The following PID1 variants were observed in gnomAD, a reference collection of about 807,000 sequenced individuals.
The protein encoded by PID1 is PTB-containing, cubilin and LRP1-interacting protein.
PID1 carries 10 observed loss-of-function variants against 19.1 expected under a neutral mutation model. The ratio of observed to expected loss-of-function variants is 0.52; its 90% CI spans 0.32 to 0.89. The LOEUF is 0.89. Among genes scored for constraint, PID1 ranks in the 40% least tolerant of loss-of-function variants. The pLI, the probability that PID1 is intolerant of heterozygous loss-of-function variation, is 0.03. For synonymous variants in PID1, 130 were observed against 116.0 expected, an observed-to-expected ratio of 1.12 and a Z score of -0.78; for missense variants, 248 against 285.3, an observed-to-expected ratio of 0.87 and a Z score of 0.94.
intron 1 of PID1, among the ~76,000 whole-genome samples, chr2:229,222,890 CACACACACACAT>C (rs1191510036): frequency 3.1e-5 from 4 of 128,146 alleles, no homozygotes; most frequent in Admixed American, 7.4e-5. Flanking sequence ...CACACACACA[CACACACACACAT>C]GTACCCTATT....
chr2:229,270,918 G>A (rs2106299298), intron 1 of PID1, 96 bp downstream of exon 1: 1 of 1,162,664 alleles, frequency 8.6e-7, no homozygotes, highest in Non-Finnish European at 1.2e-6. Flanking sequence ...GATGGTTTTG[G>A]GCAAATCCCC....
At chr2:229,054,508 TTGGTGG>T (rs1439278530) in intron 2 of PID1, among the ~76,000 whole-genome samples, 1 of 151,994 alleles carries the variant, frequency 6.6e-6, no homozygotes, top group Non-Finnish European at 1.5e-5. Flanking sequence ...CAAGTTTATT[TTGGTGG>T]TGGTGGTGGT....
chr2:229,260,889 A>G (rs371236692), intron 1 of PID1, among the ~76,000 whole-genome samples: 3 of 151,232 alleles, frequency 2.0e-5, no homozygotes, highest in Non-Finnish European at 4.4e-5. Context: ...TAGATACCCA[A>G]AAGAAAATTC....
intron 1 of PID1, among the ~76,000 whole-genome samples, chr2:229,218,847 T>C (rs756335390): frequency 3.3e-5 from 5 of 152,144 alleles, no homozygotes; most frequent in Non-Finnish European, 7.3e-5. Context: ...GCCCAATTTA[T>C]TGATTTACTC....
chr2:229,159,229 C>T (rs1374715114), intron 1 of PID1, among the ~76,000 whole-genome samples: 1 of 152,094 alleles, frequency 6.6e-6, no homozygotes, highest in African/African-American at 2.4e-5. Context: ...GAATTTGTGG[C>T]AAGACAAAGT....
intron 2 of PID1, among the ~76,000 whole-genome samples, chr2:229,086,033 G>C (rs145202221): frequency 6.3e-4 from 95 of 151,908 alleles, no homozygotes; most frequent in African/African-American, 2.2e-3. Flanking sequence ...CCTATTTTGC[G>C]CTGCCTAATT....
chr2:229,093,761 A>T (rs370152220), intron 2 of PID1, among the ~76,000 whole-genome samples: 4 of 87,526 alleles, frequency 4.6e-5, no homozygotes, highest in African/African-American at 1.1e-4. Flanking sequence ...GCTTTATGAT[A>T]AAAAAAAGAA....
intron 1 of PID1, 81 bp from the exon 2 acceptor site, chr2:229,156,045 C>A (rs2106195793): frequency 7.6e-7 from 1 of 1,323,744 alleles, no homozygotes; most frequent in Non-Finnish European, 1.1e-6. Context: ...AACCCAGTAG[C>A]AACTTGTTTT....
chr2:229,030,513 A>C (rs1484295717), intron 2 of PID1, among the ~76,000 whole-genome samples: 10 of 152,218 alleles, frequency 6.6e-5, no homozygotes, highest in Admixed American at 5.9e-4. Flanking sequence ...ATTTATTTTT[A>C]CTATTCACTG....
chr2:229,181,568 T>A (rs1006081621), intron 1 of PID1, among the ~76,000 whole-genome samples: 2 of 152,208 alleles, frequency 1.3e-5, no homozygotes, highest in African/African-American at 4.8e-5. Context: ...GTCAGGAAAT[T>A]ACACTGATCA....
intron 2 of PID1, among the ~76,000 whole-genome samples, chr2:229,087,694 A>G (rs1162417655): frequency 2.0e-5 from 3 of 152,170 alleles, no homozygotes; most frequent in Non-Finnish European, 4.4e-5. Flanking sequence ...TACAACACAC[A>G]CAAGCTTTAA....
chr2:229,163,294 A>G (rs1690526238), intron 1 of PID1, among the ~76,000 whole-genome samples: 1 of 152,134 alleles, frequency 6.6e-6, no homozygotes, highest in Non-Finnish European at 1.5e-5. Flanking sequence ...AACCTACACC[A>G]ATTTGGCATT....
Position 229,176,171 on chromosome 2 carries a change from AAC to A in PID1, c.31-20209_31-20208del, listed in dbSNP as rs1438564878. 9.9e-3 allele frequency among the ~76,000 whole-genome samples: 1,494 copies of A among 150,470 alleles called. 22 individuals are homozygous for A. Among genetic ancestry groups the A allele is most frequent in the East Asian group, 0.076 (377 of 4,972 alleles). On this transcript the variant is annotated intron_variant, in intron 1 of 2. Coordinates refer to ENST00000392055, the MANE Select transcript of PID1 (RefSeq NM_001100818.2). The stretch of plus-strand genomic sequence containing the variant: ...AACCTTCAAAAATTAAAAAAAAAAA[AAC>A]AAAACAAAACAAAAAAAGATTAGCA...
chr2:229,238,904 C>T (rs2106274418), intron 1 of PID1, among the ~76,000 whole-genome samples: 1 of 152,136 alleles, frequency 6.6e-6, no homozygotes, highest in South Asian at 2.1e-4. Context: ...ACAGCAATAG[C>T]ATTAGTAATG....
At chr2:229,195,578 T>C (rs186935415) in intron 1 of PID1, among the ~76,000 whole-genome samples, 33 of 152,114 alleles carry the variant, frequency 2.2e-4, no homozygotes, top group Non-Finnish European at 2.7e-4. Context: ...CTGTACACAA[T>C]CTTCCCTACT....
At chr2:229,233,614 C>A (rs1692263448) in intron 1 of PID1, among the ~76,000 whole-genome samples, 1 of 151,990 alleles carries the variant, frequency 6.6e-6, no homozygotes, top group African/African-American at 2.4e-5. Context: ...GCCTCAGTCT[C>A]CCAGGTAGCT....
At chr2:229,161,328 C>T (rs1016386346) in intron 1 of PID1, among the ~76,000 whole-genome samples, 1 of 152,070 alleles carries the variant, frequency 6.6e-6, no homozygotes, top group Non-Finnish European at 1.5e-5. Context: ...AGACAGCCTT[C>T]GCATCATTGA....
intron 2 of PID1, among the ~76,000 whole-genome samples, chr2:229,112,196 GTATTAT>G (rs1258161746): frequency 2.0e-5 from 3 of 152,098 alleles, no homozygotes; most frequent in Non-Finnish European, 4.4e-5. Context: ...CATAAACTTT[GTATTAT>G]TATTATTATT....
chr2:229,133,112 T>A (rs1396263679), intron 2 of PID1, among the ~76,000 whole-genome samples: 1 of 152,234 alleles, frequency 6.6e-6, no homozygotes, highest in Non-Finnish European at 1.5e-5. Context: ...AGACACAATC[T>A]GTATTAATCA....
Sources: allele counts gnomAD v4.1 joint callset (sites outside exome capture counted in the v4.1 genomes callset), GRCh38; gene constraint gnomAD v4.1.1; transcripts MANE v1.5; gene names NCBI Gene and HGNC (gene_info 2026-07-23, HGNC 2026-07-21).